The following BPTF variants were observed in gnomAD, a reference collection of about 807,000 sequenced individuals.
BPTF encodes bromodomain PHD finger transcription factor.
A neutral mutation model predicts 292.5 loss-of-function variants in BPTF; 18 were observed. The ratio of observed to expected loss-of-function variants is 0.06; its 90% CI spans 0.04 to 0.09. The LOEUF is 0.09. BPTF is among the 10% of genes least tolerant of loss of function. BPTF has a pLI of 1.00. For synonymous variants in BPTF, 1,225 were observed against 1,251.9 expected, an observed-to-expected ratio of 0.98 and a Z score of 0.45; for missense variants, 2,726 against 3,498.7, an observed-to-expected ratio of 0.78 and a Z score of 5.57.
chr17:67,893,264 AACTT>A (rs1207379322), intron 5 of BPTF, 102 bp from the exon 6 acceptor site: 14 of 746,418 alleles, frequency 1.9e-5, no homozygotes, highest in Non-Finnish European at 3.1e-5. Flanking sequence ...GATTTATCTT[AACTT>A]ACTTTGAATG....
At chr17:67,979,151 C>T (rs1393499717) in intron 27 of BPTF, among the ~76,000 whole-genome samples, 2 of 93,250 alleles carry the variant, frequency 2.1e-5, no homozygotes, top group Admixed American at 3.3e-4. Flanking sequence ...GCCTGGAAGA[C>T]ACAACAAGAC....
At chr17:67,959,470 C>G (rs923298607) in intron 23 of BPTF, 71 bp from the exon 24 acceptor site, 18 of 1,260,214 alleles carry the variant, frequency 1.4e-5, no homozygotes, top group Non-Finnish European at 1.9e-5. Context: ...GGGTAGTGTA[C>G]CATCTTCTGG....
intron 27 of BPTF, among the ~76,000 whole-genome samples, chr17:67,976,685 C>CA (rs1156404121): frequency 0.039 from 966 of 24,734 alleles, 32 homozygotes; most frequent in African/African-American, 0.048. Context: ...GACCCTGTCT[C>CA]AAAAAAAAAA....
intron 23 of BPTF, among the ~76,000 whole-genome samples, chr17:67,952,137 C>T (rs543252757): frequency 2.6e-4 from 40 of 151,782 alleles, no homozygotes; most frequent in African/African-American, 8.9e-4. Context: ...GGTGAATCCC[C>T]GTCTCTGCTA....
chr17:67,837,603 T>C (rs2144189933), intron 1 of BPTF, among the ~76,000 whole-genome samples: 1 of 152,160 alleles, frequency 6.6e-6, no homozygotes, highest in East Asian at 1.9e-4. Context: ...AGTGACGGGG[T>C]TTCACCATGT....
chr17:67,917,598 TA>T (rs1021793808), intron 11 of BPTF, among the ~76,000 whole-genome samples: 1 of 151,910 alleles, frequency 6.6e-6, no homozygotes, highest in Admixed American at 6.6e-5. Context: ...ACTAGATTTG[TA>T]AGATGTTTTT....
At chr17:67,904,982 TA>T (rs1242442989) in intron 9 of BPTF, 142 bp downstream of exon 9, 2 of 568,296 alleles carry the variant, frequency 3.5e-6, no homozygotes, top group Non-Finnish European at 5.7e-6. Flanking sequence ...TTTAGTTTAC[TA>T]AAACCCTAAA....
intron 11 of BPTF, among the ~76,000 whole-genome samples, chr17:67,917,625 A>G (rs954641232): frequency 2.0e-5 from 3 of 151,476 alleles, no homozygotes; most frequent in African/African-American, 7.3e-5. Flanking sequence ...AATTTAATTA[A>G]TTAATTAATT....
intron 23 of BPTF, chr17:67,956,188 G>A (rs1306306626): frequency 6.6e-6 from 1 of 151,522 alleles, no homozygotes; most frequent in African/African-American, 2.4e-5. Flanking sequence ...GCGTGATGGC[G>A]GGCGCCTGTA....
rs1327757446 is a variant in BPTF, at chr17:67,964,255, C to T, written c.8305C>T (p.Arg2769Cys). The T allele has an allele frequency of 2.5e-6, 4 of 1,613,932 alleles. No individual in the cohort carries two copies. Among genetic ancestry groups the T allele is most frequent in the Non-Finnish European group, 3.4e-6 (4 of 1,179,894 alleles). ...CDRCQNWYHG[R>C]CVGILQSEAE... ...TCGGTGTCAGAATTGGTACCATGGG[C>T]GCTGCGTTGGCATCTTGCAAAGTGA... Residue 2769 changes from arginine to cysteine, a missense_variant, in exon 25 of 28, where the codon CGC (arginine) becomes TGC (cysteine). Around this residue, in one of 22 missense-constraint regions of BPTF, gnomAD observed 48 missense variants for 114.2 expected, o/e 0.42. Transcript: ENST00000306378.
chr17:67,900,661 C>G (rs2061769660), intron 7 of BPTF, among the ~76,000 whole-genome samples: 1 of 152,018 alleles, frequency 6.6e-6, no homozygotes, highest in Non-Finnish European at 1.5e-5. Flanking sequence ...GATTTTCCAT[C>G]CTGGAGCAGG....
intron 1 of BPTF, among the ~76,000 whole-genome samples, chr17:67,851,450 A>T (rs2058401266): frequency 6.6e-6 from 1 of 152,126 alleles, no homozygotes; most frequent in Non-Finnish European, 1.5e-5. Context: ...TTTCCTCCAC[A>T]TGCGTATGCA....
At chr17:67,910,810 AT>A (rs368956376) in intron 10 of BPTF, 66 bp from the exon 11 acceptor site, 238,284 of 1,122,588 alleles carry the variant, frequency 0.21, 19,041 homozygotes, top group East Asian at 0.58. Flanking sequence ...AAAAAAAAAA[AT>A]ATATATATAT....
chr17:67,919,612 G>A (rs527708690), intron 12 of BPTF, among the ~76,000 whole-genome samples: 1 of 152,256 alleles, frequency 6.6e-6, no homozygotes, highest in Non-Finnish European at 1.5e-5. Flanking sequence ...GGGGCCAGAA[G>A]GGAAGGTTCA....
chr17:67,855,806 A>G (rs756700760), intron 2 of BPTF, among the ~76,000 whole-genome samples: 1 of 152,224 alleles, frequency 6.6e-6, no homozygotes, highest in East Asian at 1.9e-4. Context: ...ATCTGGTAGG[A>G]TGAAATGAAT....
rs1311384601 is a variant in BPTF at position 67,866,448 on chromosome 17, C to T, written c.1437-16C>T. 2.6e-6 allele frequency: 4 copies of T among 1,549,570 alleles called. No homozygotes were observed. The highest frequency in any genetic ancestry group is 3.6e-6 in the Non-Finnish European group (4 of 1,122,384). On this transcript the variant is annotated splice_polypyrimidine_tract_variant and intron_variant, in intron 2 of 27. Coordinates refer to ENST00000306378, the MANE Select transcript of BPTF (RefSeq NM_182641.4). ...TATGTCTAACATATAAAGTATTTCC[C>T]CCCATTTTTAAACAGAGAAGAAGAT...
intron 4 of BPTF, among the ~76,000 whole-genome samples, chr17:67,878,169 G>A (rs2060163653): frequency 6.6e-6 from 1 of 152,134 alleles, no homozygotes; most frequent in African/African-American, 2.4e-5. Flanking sequence ...ATGCCTGATA[G>A]CTTTTTTCCC....
At chr17:67,929,846 C>T (rs1216526129) in intron 17 of BPTF, among the ~76,000 whole-genome samples, 1 of 152,144 alleles carries the variant, frequency 6.6e-6, no homozygotes, top group East Asian at 1.9e-4. Context: ...CCAGGTGCGG[C>T]GGCTCACGCC....
chr17:67,910,722 C>A (rs1949886080), intron 10 of BPTF, among the ~76,000 whole-genome samples, 155 bp from the exon 11 acceptor site: 1 of 151,984 alleles, frequency 6.6e-6, no homozygotes, highest in Non-Finnish European at 1.5e-5. Flanking sequence ...ATTGCTTGAA[C>A]CCAGGAGGCG....
Sources: allele counts gnomAD v4.1 joint callset (sites outside exome capture counted in the v4.1 genomes callset), GRCh38; gene constraint gnomAD v4.1.1; regional missense constraint gnomAD v4.1.1; transcripts MANE v1.5; gene names NCBI Gene and HGNC (gene_info 2026-07-23, HGNC 2026-07-21).